The following TG variants were observed in gnomAD, a reference collection of about 807,000 sequenced individuals.
TG encodes the protein thyroglobulin.
TG carries 270 observed loss-of-function variants against 324.7 expected under a neutral mutation model. The ratio of observed to expected loss-of-function variants is 0.83; its 90% CI spans 0.75 to 0.92. TG has a LOEUF of 0.92. Ranked by LOEUF, TG falls within the 40% of genes least tolerant of loss-of-function variation. The pLI is 0.00. For missense variants in TG, 3,591 were observed against 3,456.4 expected (o/e 1.04, Z -0.98); for synonymous variants, 1,401 against 1,327.0 (o/e 1.06, Z -1.21).
chr8:133,019,553 G>A, intron 38 of TG, 49 bp from the exon 39 acceptor site: 1 of 1,509,382 alleles, frequency 6.6e-7, no homozygotes, highest in Non-Finnish European at 9.2e-7. Context: ...TGGGTGGGGA[G>A]GGGTGGTGAT....
chr8:132,911,034 C>T (rs534195306), intron 18 of TG, among the ~76,000 whole-genome samples: 78 of 152,278 alleles, frequency 5.1e-4, no homozygotes, highest in Non-Finnish European at 9.4e-4. Context: ...TATAGGGGTT[C>T]GGAGATGTCC....
chr8:132,914,159 C>A (rs1819952856), intron 20 of TG, among the ~76,000 whole-genome samples: 1 of 152,208 alleles, frequency 6.6e-6, no homozygotes, highest in African/African-American at 2.4e-5. Context: ...TTAATTCCAT[C>A]TACACAGGTA....
chr8:132,949,810 C>T (rs1192276139), intron 27 of TG, among the ~76,000 whole-genome samples: 2 of 152,194 alleles, frequency 1.3e-5, no homozygotes, highest in Admixed American at 1.3e-4. Context: ...CAGAGATGGG[C>T]AGTTAGTGCC....
intron 27 of TG, among the ~76,000 whole-genome samples, chr8:132,957,501 T>G (rs1476855154): frequency 6.6e-6 from 1 of 152,000 alleles, no homozygotes; most frequent in Non-Finnish European, 1.5e-5. Context: ...CATCTATAAT[T>G]TTTGACATTA....
At chr8:132,981,700 G>A (rs1483515845) in intron 34 of TG, among the ~76,000 whole-genome samples, 1 of 152,224 alleles carries the variant, frequency 6.6e-6, no homozygotes, top group Non-Finnish European at 1.5e-5. Flanking sequence ...TCCCATCCCA[G>A]ACCTGCGGAA....
At chr8:133,081,366 T>C (rs1189114716) in intron 41 of TG, among the ~76,000 whole-genome samples, 1 of 152,254 alleles carries the variant, frequency 6.6e-6, no homozygotes, top group Non-Finnish European at 1.5e-5. Flanking sequence ...ACTTTTCACC[T>C]CTGGGGAAGA....
At chr8:133,035,234 T>G (rs1480074610) in intron 41 of TG, among the ~76,000 whole-genome samples, 1 of 152,246 alleles carries the variant, frequency 6.6e-6, no homozygotes, top group East Asian at 1.9e-4. Context: ...ATATGTCATT[T>G]ATTTATAACA....
chr8:132,944,740 C>G (rs1238326111), intron 26 of TG, among the ~76,000 whole-genome samples: 3 of 152,236 alleles, frequency 2.0e-5, no homozygotes, highest in Admixed American at 1.3e-4. Context: ...TTGCTAGACT[C>G]TGAAGACAAG....
chr8:132,943,715 G>A (rs992918919), intron 26 of TG, among the ~76,000 whole-genome samples: 3 of 152,092 alleles, frequency 2.0e-5, no homozygotes, highest in African/African-American at 7.2e-5. Context: ...GCCAGACCCT[G>A]CAAGCTGAGA....
Position 133,070,154 on chromosome 8 carries a change from A to G in TG, c.7240-24890A>G, listed in dbSNP as rs540624414. On this transcript the variant is annotated intron_variant, in intron 41 of 47. Coordinates refer to ENST00000220616, the MANE Select transcript of TG (RefSeq NM_003235.5). Reference sequence around the variant, plus strand: ...CAATGTTTCAGGGGGAAAAATTCCTAATAGTGTGTGCCAATTTCTGTGGTG... The same window carrying G: ...CAATGTTTCAGGGGGAAAAATTCCTGATAGTGTGTGCCAATTTCTGTGGTG... Among the ~76,000 whole-genome samples the G allele has an allele frequency of 2.6e-5, 4 of 152,280 alleles. No individual in the cohort carries two copies. In the East Asian group the frequency reaches 5.8e-4, roughly 22 times the overall value.
intron 40 of TG, among the ~76,000 whole-genome samples, chr8:133,026,857 T>C (rs1308662688): frequency 6.6e-6 from 1 of 152,200 alleles, no homozygotes; most frequent in Non-Finnish European, 1.5e-5. Context: ...AACATAACGT[T>C]AGAACCTACA....
chr8:132,961,107 A>G (rs905351211), intron 28 of TG, 34 bp downstream of exon 28: 22 of 1,605,010 alleles, frequency 1.4e-5, no homozygotes, highest in Non-Finnish European at 1.9e-5. Context: ...GGTTAGCAGG[A>G]CGCTGATTAC....
At chr8:132,882,227 G>T (rs1181902248) in intron 6 of TG, among the ~76,000 whole-genome samples, 1 of 152,242 alleles carries the variant, frequency 6.6e-6, no homozygotes, top group South Asian at 2.1e-4. Context: ...CCCCGAAATT[G>T]GCGAGTGGAG....
chr8:133,082,273 C>G (rs1845863796), intron 41 of TG, among the ~76,000 whole-genome samples: 1 of 152,140 alleles, frequency 6.6e-6, no homozygotes, highest in Non-Finnish European at 1.5e-5. Context: ...AGGAGTGTAT[C>G]TGTTTGGCCA....
intron 41 of TG, among the ~76,000 whole-genome samples, chr8:133,092,393 G>A (rs187930040): frequency 2.0e-4 from 30 of 152,294 alleles, no homozygotes; most frequent in Non-Finnish European, 4.4e-5. Flanking sequence ...GAAACTCCTC[G>A]CCATTGAATA....
chr8:132,882,445 G>A (rs771114051), intron 6 of TG, 24 bp from the exon 7 acceptor site: 1 of 1,614,176 alleles, frequency 6.2e-7, no homozygotes, highest in Admixed American at 1.7e-5. Flanking sequence ...GACCATCTCT[G>A]AAAGTCTTGC....
At chr8:133,036,822 G>A (rs1010827040) in intron 41 of TG, 5 of 152,524 alleles carry the variant, frequency 3.3e-5, no homozygotes, top group African/African-American at 4.8e-5. Flanking sequence ...ATCCCTCTGG[G>A]TGCTCCCCAA....
chr8:133,078,790 G>A (rs775305239), intron 41 of TG, among the ~76,000 whole-genome samples: 8 of 152,144 alleles, frequency 5.3e-5, no homozygotes, highest in African/African-American at 1.7e-4. Context: ...TGTAAATTTC[G>A]TGTATGTATA....
At chr8:133,019,749 C>A (rs1835389131) in intron 39 of TG, 54 bp downstream of exon 39, 1 of 1,439,932 alleles carries the variant, frequency 6.9e-7, no homozygotes, top group Non-Finnish European at 9.7e-7. Context: ...CATTAGAAAT[C>A]CACTGTCCCC....
Sources: allele counts gnomAD v4.1 joint callset (sites outside exome capture counted in the v4.1 genomes callset), GRCh38; gene constraint gnomAD v4.1.1; transcripts MANE v1.5; gene names NCBI Gene and HGNC (gene_info 2026-07-23, HGNC 2026-07-21).